The following DIPK1A variants were observed in gnomAD, a reference collection of about 807,000 sequenced individuals.
The protein encoded by DIPK1A is family with sequence similarity 69 member A.
Under a neutral mutation model 40.8 loss-of-function variants are expected in DIPK1A, and 27 were observed. The ratio of observed to expected loss-of-function variants is 0.66; its 90% CI spans 0.49 to 0.91. The LOEUF (loss-of-function observed/expected upper bound fraction) is 0.91. Ranked by LOEUF, DIPK1A falls within the 40% of genes least tolerant of loss-of-function variation. The pLI is 0.00. For synonymous variants in DIPK1A, 166 were observed against 171.3 expected (o/e 0.97, Z 0.24); for missense variants, 412 against 505.7 (o/e 0.81, Z 1.78).
intron 1 of DIPK1A, among the ~76,000 whole-genome samples, chr1:92,897,205 T>C (rs1008445202): frequency 6.6e-6 from 1 of 152,180 alleles, no homozygotes; most frequent in Non-Finnish European, 1.5e-5. Context: ...CACATGCATA[T>C]GTATGTTTAC....
downstream of DIPK1A, among the ~76,000 whole-genome samples, chr1:92,838,733 G>T (rs1458441989): frequency 6.6e-6 from 1 of 152,136 alleles, no homozygotes. Context: ...AAGGAACTGG[G>T]TTGCTTAGAT....
At chr1:92,901,038 G>A (rs1375745877) in intron 1 of DIPK1A, among the ~76,000 whole-genome samples, 2 of 152,102 alleles carry the variant, frequency 1.3e-5, no homozygotes, top group African/African-American at 4.8e-5. Context: ...GTCCAGGTAA[G>A]TGTAGTGGTA....
chr1:92,959,900 C>T (rs967488938), intron 1 of DIPK1A, among the ~76,000 whole-genome samples: 2 of 39,216 alleles, frequency 5.1e-5, no homozygotes, highest in Admixed American at 2.8e-4. Context: ...GGCACCCAAC[C>T]AACTTTTTTT....
chr1:92,837,746 C>G, downstream of DIPK1A: 1 of 821,918 alleles, frequency 1.2e-6, no homozygotes, highest in Non-Finnish European at 2.0e-6. Context: ...ACAACATGAG[C>G]TAGACTTGTC....
chr1:92,943,475 T>C (rs560402754), intron 1 of DIPK1A, among the ~76,000 whole-genome samples: 12 of 152,070 alleles, frequency 7.9e-5, no homozygotes, highest in Non-Finnish European at 1.8e-4. Flanking sequence ...GTGGGAATAA[T>C]TGAAGATCTG....
At chr1:92,928,874 A>G (rs1238081933) in intron 1 of DIPK1A, among the ~76,000 whole-genome samples, 3 of 152,148 alleles carry the variant, frequency 2.0e-5, no homozygotes, top group Admixed American at 6.5e-5. Context: ...AGGCAGGAGA[A>G]TTGCTCGAAC....
At chr1:92,883,891 C>T (rs756059265) in intron 1 of DIPK1A, among the ~76,000 whole-genome samples, 13 of 152,140 alleles carry the variant, frequency 8.5e-5, no homozygotes, top group Non-Finnish European at 1.8e-4. Context: ...ATCAGCAAAG[C>T]AGGGTCTAGG....
At chr1:92,902,671 T>A (rs1649467159) in intron 1 of DIPK1A, among the ~76,000 whole-genome samples, 1 of 152,150 alleles carries the variant, frequency 6.6e-6, no homozygotes, top group Middle Eastern at 3.2e-3. Context: ...ATCTTCTTGC[T>A]TACCTCCTCA....
chr1:92,905,067 T>C (rs1345003284), intron 1 of DIPK1A, among the ~76,000 whole-genome samples: 2 of 152,198 alleles, frequency 1.3e-5, no homozygotes, highest in African/African-American at 4.8e-5. Context: ...GATGGACACT[T>C]AGGTTGCTTC....
intron 3 of DIPK1A, among the ~76,000 whole-genome samples, chr1:92,848,707 C>T (rs1189073506): frequency 6.6e-6 from 1 of 152,184 alleles, no homozygotes; most frequent in Non-Finnish European, 1.5e-5. Flanking sequence ...TGTCTCATCT[C>T]ACATTAGAAC....
At chr1:92,886,517 A>G (rs1042593940) in intron 1 of DIPK1A, among the ~76,000 whole-genome samples, 2 of 148,614 alleles carry the variant, frequency 1.3e-5, no homozygotes, top group African/African-American at 4.9e-5. Flanking sequence ...TTAAATATCA[A>G]TTTTTTTTTT....
rs570108990 is a variant in DIPK1A at position 92,911,775 on chromosome 1, T to C, written c.55-35345A>G. Among the ~76,000 whole-genome samples the C allele has an allele frequency of 2.6e-4, 39 of 151,406 alleles. 1 individual carries two copies. In the South Asian group the frequency reaches 5.6e-3, roughly 22 times the overall value. On this transcript the variant is annotated intron_variant, in intron 1 of 4. Coordinates refer to ENST00000370310, the MANE Select transcript of DIPK1A (RefSeq NM_001006605.5). ...CAGCACTTTGGGAGGCCTAGGCGGG[T>C]AGATCACTTGAGGTCAGGAGTTTGA... is the stretch of plus-strand genomic sequence containing the variant.
intron 3 of DIPK1A, among the ~76,000 whole-genome samples, chr1:92,849,863 T>G (rs1159079908): frequency 6.6e-6 from 1 of 152,082 alleles, no homozygotes; most frequent in Admixed American, 6.5e-5. Flanking sequence ...GCTATGTTGC[T>G]CAGGTAGGCC....
At chr1:92,832,922 CT>C (rs1235660775) in exon 5 of DIPK1A, 8 of 678,624 alleles carry the variant, frequency 1.2e-5, no homozygotes, top group Non-Finnish European at 2.1e-5. Context: ...TTATTTGAGG[CT>C]AGGTTTTCGA....
chr1:92,895,174 T>C (rs1649103326), intron 1 of DIPK1A, among the ~76,000 whole-genome samples: 1 of 151,796 alleles, frequency 6.6e-6, no homozygotes, highest in Non-Finnish European at 1.5e-5. Context: ...ACCATCCTGA[T>C]ACCAAAGCCT....
In DIPK1A at chr1:92,890,294, G is replaced by A. The variant is rs180672725; in HGVS notation, c.55-13864C>T. Among the ~76,000 whole-genome samples, 543 of 152,156 alleles carry A rather than the reference G, an allele frequency of 3.6e-3. 3 individuals carry two copies. The highest frequency in any genetic ancestry group is 5.9e-3 in the Non-Finnish European group (402 of 68,006). Reference sequence around the variant, plus strand: ...AATGTAACTGACTCCTTTCTAACTCGAATGCCCTTTCTTTCTTTCTCTTGC... The same window carrying A: ...AATGTAACTGACTCCTTTCTAACTCAAATGCCCTTTCTTTCTTTCTCTTGC... On this transcript the variant is annotated intron_variant, in intron 1 of 4. Transcript: ENST00000370310.
intron 1 of DIPK1A, among the ~76,000 whole-genome samples, chr1:92,895,339 G>C (rs1649110936): frequency 6.6e-6 from 1 of 152,092 alleles, no homozygotes; most frequent in South Asian, 2.1e-4. Flanking sequence ...GGGATGCAAG[G>C]CTGGTTCAAC....
At chr1:92,942,519 TTTTC>T (rs1166099996) in intron 1 of DIPK1A, among the ~76,000 whole-genome samples, 3 of 152,206 alleles carry the variant, frequency 2.0e-5, no homozygotes, top group Admixed American at 6.5e-5. Flanking sequence ...AGCAGTTTTT[TTTTC>T]TTTTTCTTTT....
At chr1:92,872,887 AG>A (rs1288204628) in intron 2 of DIPK1A, among the ~76,000 whole-genome samples, 1 of 152,204 alleles carries the variant, frequency 6.6e-6, no homozygotes, top group African/African-American at 2.4e-5. Context: ...CTTTCCAATG[AG>A]GTTTTTAACC....
Sources: gnomAD v4.1 joint callset for allele counts (sites outside exome capture counted in the v4.1 genomes callset) on GRCh38, gnomAD v4.1.1 for gene constraint, MANE v1.5 for transcripts, NCBI Gene and HGNC (gene_info 2026-07-23, HGNC 2026-07-21) for gene names.